Variants in KCNJ6 observed in about 807,000 individuals in gnomAD.
KCNJ6 encodes potassium inwardly rectifying channel subfamily J member 6.
In KCNJ6, 9 loss-of-function variants were observed where a neutral mutation model predicts 34.2. The observed-to-expected ratio is 0.26, with a 90% CI of 0.16 to 0.46. The LOEUF (loss-of-function observed/expected upper bound fraction) is 0.46. Ranked by LOEUF, KCNJ6 falls within the 20% of genes least tolerant of loss-of-function variation. KCNJ6 has a pLI of 1.00. For missense variants in KCNJ6, 236 were observed against 531.3 expected (o/e 0.44, Z 5.46); for synonymous variants, 196 against 207.1 (o/e 0.95, Z 0.46).
At chr21:37,666,560 C>T (rs966587209) in intron 3 of KCNJ6, among the ~76,000 whole-genome samples, 7 of 152,140 alleles carry the variant, frequency 4.6e-5, no homozygotes, top group Non-Finnish European at 1.0e-4. Context: ...GCCGCCACCC[C>T]GTCTGGGAAG....
At position 37,680,863 on chromosome 21, in the gene KCNJ6, C is replaced by T. The variant is rs530486114; in HGVS notation, c.946+33348G>A. Among the ~76,000 whole-genome samples the T allele has an allele frequency of 3.3e-5, 5 of 152,332 alleles. No individual in the cohort carries two copies. The South Asian group carries it at 8.3e-4, about 25-fold the overall frequency. On this transcript the variant is annotated intron_variant, in intron 3 of 3. Transcript: ENST00000609713. Reference sequence around the variant, plus strand: ...TCTCTCTTTCTATCTCTTCATCCATCCTATTGATTATATTTCTCTGGAGAA... The same window carrying T: ...TCTCTCTTTCTATCTCTTCATCCATTCTATTGATTATATTTCTCTGGAGAA...
intron 3 of KCNJ6, among the ~76,000 whole-genome samples, chr21:37,660,858 G>T (rs1490687856): frequency 1.3e-5 from 2 of 152,214 alleles, no homozygotes; most frequent in Non-Finnish European, 2.9e-5. Flanking sequence ...CCCCGTCTGT[G>T]CCTTGGTTGG....
intron 2 of KCNJ6, among the ~76,000 whole-genome samples, chr21:37,833,647 T>C (rs973280413): frequency 6.6e-6 from 1 of 152,128 alleles, no homozygotes; most frequent in African/African-American, 2.4e-5. Flanking sequence ...TGTGGACAAG[T>C]GGCATAAAGG....
intron 1 of KCNJ6, among the ~76,000 whole-genome samples, chr21:37,847,754 G>A (rs1243141836): frequency 2.0e-5 from 3 of 150,702 alleles, no homozygotes; most frequent in Non-Finnish European, 3.0e-5. Flanking sequence ...GACAGAGAGA[G>A]AGAGGGAGAG....
At chr21:37,677,056 G>A (rs1159184133) in intron 3 of KCNJ6, among the ~76,000 whole-genome samples, 1 of 152,230 alleles carries the variant, frequency 6.6e-6, no homozygotes, top group Non-Finnish European at 1.5e-5. Flanking sequence ...GAGTCTAACT[G>A]TCCAGTGGCA....
At chr21:37,797,040 G>T (rs1465369911) in intron 2 of KCNJ6, among the ~76,000 whole-genome samples, 2 of 151,610 alleles carry the variant, frequency 1.3e-5, no homozygotes, top group Non-Finnish European at 2.9e-5. Flanking sequence ...TGATCCACCC[G>T]CCTCGGCCTC....
chr21:37,635,379 G>A (rs575880411), intron 3 of KCNJ6, among the ~76,000 whole-genome samples: 98 of 151,618 alleles, frequency 6.5e-4, no homozygotes, highest in Middle Eastern at 3.4e-3. Flanking sequence ...CAGCACGCCC[G>A]GCTAATTTTT....
intron 1 of KCNJ6, among the ~76,000 whole-genome samples, chr21:37,913,855 C>T (rs904527678): frequency 3.9e-5 from 6 of 152,032 alleles, no homozygotes; most frequent in African/African-American, 1.2e-4. Context: ...GGTTGGCTGG[C>T]CTCTCGCTGA....
Position 37,714,307 on chromosome 21 carries a change from T to G in KCNJ6, c.850A>C (p.Asn284His), listed in dbSNP as rs1176015453. ...ATCTCCCAGAAAGGACTCTGTTGGT[T>G]AATTTCATGGCTAATGATCAGCGGT... ...VSPLIISHEI[N>H]QQSPFWEISK... is the part of the protein sequence containing the mutation. The change falls in exon 3 of 4, where the codon AAC becomes CAC. Residue 284 changes from asparagine (N) to histidine (H), a missense_variant. This residue lies in a region of KCNJ6 where 60 missense variants were observed against 207.3 expected (regional missense o/e 0.29). Transcript: ENST00000609713. The surrounding 1 kb of genome is among the most constrained non-coding windows in gnomAD (Gnocchi z 5.9). 1.2e-6 allele frequency: 2 copies of G among 1,614,130 alleles called. No individual in the cohort carries two copies. Among genetic ancestry groups the G allele is most frequent in the Non-Finnish European group, 1.7e-6 (2 of 1,179,980 alleles).
intron 2 of KCNJ6, among the ~76,000 whole-genome samples, chr21:37,833,931 G>T (rs987812935): frequency 1.3e-5 from 2 of 152,138 alleles, no homozygotes; most frequent in African/African-American, 4.8e-5. Context: ...TCTACCACCT[G>T]CATTTCTAGC....
chr21:37,715,263 C>T (rs985022831), intron 2 of KCNJ6, 132 bp from the exon 3 acceptor site: 1 of 758,890 alleles, frequency 1.3e-6, no homozygotes, highest in Non-Finnish European at 2.1e-6. Context: ...GTAGACAAAG[C>T]CATTTTTATT....
At chr21:37,673,259 G>A (rs925334383) in intron 3 of KCNJ6, among the ~76,000 whole-genome samples, 1 of 152,260 alleles carries the variant, frequency 6.6e-6, no homozygotes, top group African/African-American at 2.4e-5. Context: ...GGGGCAGCCT[G>A]CTGGAGCTAG....
intron 1 of KCNJ6, among the ~76,000 whole-genome samples, chr21:37,849,625 T>C (rs980057020): frequency 1.3e-5 from 2 of 152,170 alleles, no homozygotes; most frequent in African/African-American, 2.4e-5. Context: ...TCCAGGCCCA[T>C]TGCTCATCAC....
chr21:37,830,998 A>C (rs905464435), intron 2 of KCNJ6, among the ~76,000 whole-genome samples: 19 of 152,156 alleles, frequency 1.2e-4, no homozygotes, highest in Admixed American at 1.1e-3. Flanking sequence ...CAGGATCAAG[A>C]AAGTCCCACC....
At chr21:37,783,239 CA>C (rs2055177991) in intron 2 of KCNJ6, among the ~76,000 whole-genome samples, 1 of 152,196 alleles carries the variant, frequency 6.6e-6, no homozygotes, top group Non-Finnish European at 1.5e-5. Context: ...TGAGGGCGTG[CA>C]TCAGCAAAAT....
chr21:37,796,996 T>G (rs1042287955), intron 2 of KCNJ6, among the ~76,000 whole-genome samples: 1 of 151,660 alleles, frequency 6.6e-6, no homozygotes, highest in Non-Finnish European at 1.5e-5. Context: ...GGTTTCACCT[T>G]GTTAGCCAGG....
chr21:37,699,432 T>C (rs563632318), intron 3 of KCNJ6, among the ~76,000 whole-genome samples: 1 of 152,338 alleles, frequency 6.6e-6, no homozygotes, highest in African/African-American at 2.4e-5. Context: ...TTTTTATTGA[T>C]ATGGATACCT....
intron 3 of KCNJ6, among the ~76,000 whole-genome samples, chr21:37,704,533 C>A (rs780229880): frequency 6.6e-6 from 1 of 152,120 alleles, no homozygotes; most frequent in South Asian, 2.1e-4. Flanking sequence ...ATTATCCGTC[C>A]GCTTTCACAG....
rs539895505 is a variant in KCNJ6 at position 37,647,658 on chromosome 21, A to C, written c.947-22174T>G. On this transcript the variant is annotated intron_variant, in intron 3 of 3. Transcript: ENST00000609713. ...AGTCTCCATGCTCCAGAGTCTGCTG[A>C]AATGATCCAAACTAGCCCATCCTAA... Among the ~76,000 whole-genome samples, 10 of 152,254 alleles carry C rather than the reference A, an allele frequency of 6.6e-5. No individual in the cohort carries two copies. In the South Asian group the frequency reaches 2.1e-3, roughly 32 times the overall value.
Sources: allele counts gnomAD v4.1 joint callset (sites outside exome capture counted in the v4.1 genomes callset), GRCh38; gene constraint gnomAD v4.1.1; regional missense constraint gnomAD v4.1.1; non-coding constraint Gnocchi (gnomAD v3.1); transcripts MANE v1.5; gene names NCBI Gene and HGNC (gene_info 2026-07-23, HGNC 2026-07-21).